SHANK1: variants seen among roughly 807,000 people sequenced by gnomAD.
SHANK1 encodes the protein SH3 and multiple ankyrin repeat domains protein 1.
Under a neutral mutation model 165.6 loss-of-function variants are expected in SHANK1, and 35 were observed. That is an observed-to-expected ratio of 0.21 (90% CI 0.16 to 0.28). The LOEUF is 0.28. Among genes scored for constraint, SHANK1 ranks in the 10% least tolerant of loss-of-function variants. SHANK1 has a pLI of 1.00. For missense variants in SHANK1, 2,681 were observed against 3,036.4 expected, an observed-to-expected ratio of 0.88 and a Z score of 2.75; for synonymous variants, 1,428 against 1,384.8, an observed-to-expected ratio of 1.03 and a Z score of -0.69.
chr19:50,706,072 T>A (rs571477022), intron 8 of SHANK1, among the ~76,000 whole-genome samples: 1 of 148,434 alleles, frequency 6.7e-6, no homozygotes, highest in East Asian at 2.0e-4. Context: ...GGTGAGAGGA[T>A]CACTTGAGCC....
chr19:50,679,317 G>A (rs928760811), intron 21 of SHANK1, among the ~76,000 whole-genome samples: 1 of 151,584 alleles, frequency 6.6e-6, no homozygotes, highest in Non-Finnish European at 1.5e-5. Flanking sequence ...AGTGACAGAC[G>A]CCTCGTCAGA....
Position 50,668,858 on chromosome 19 carries a change from G to T in SHANK1, c.3102C>A (p.Asp1034Glu). The change falls in exon 23 of 24, where the codon GAC becomes GAA. Residue 1034 changes from aspartate to glutamate, a missense_variant. By Grantham distance (45) the Asp-to-Glu change is conservative (BLOSUM62 2). Coordinates refer to ENST00000293441, the MANE Select transcript of SHANK1 (RefSeq NM_016148.5). ...GCCCCAGAGCCAGGCGGGGTGGAGG[G>T]TCGTCGGGAGAGCCGCCTGTCTCCA... is the stretch of plus-strand genomic sequence containing the variant. The part of the protein sequence containing the change: ...PEMETGGSPD[D>E]PPPRLALGPQ... The T allele has an allele frequency of 7.7e-7, 1 of 1,296,664 alleles. No individual in the cohort carries two copies. Among genetic ancestry groups the T allele is most frequent in the Non-Finnish European group, 9.7e-7 (1 of 1,028,486 alleles). 80.3% of individuals were successfully genotyped at this position (1,296,664 alleles called of 1,614,324 possible). A position where few individuals can be genotyped will look rare whatever the true frequency, so the allele number is the denominator to read the frequency against.
At position 50,686,470 on chromosome 19, in the gene SHANK1, G is replaced by A. The variant is rs528617682; in HGVS notation, c.2459-115C>T. ...GTTCATCCAGCACCTGGATCAACCA[G>A]GAAAGGGCAGCCCTGCCTGGGTCCG... On this transcript the variant is annotated intron_variant, in intron 20 of 23. Transcript: ENST00000293441. This position sits in a 1 kb window ranked among gnomAD's most constrained non-coding sequence, Gnocchi z 5.7. The A allele has an allele frequency of 6.1e-6, 5 of 825,644 alleles. No homozygotes were observed. The highest frequency in any genetic ancestry group is 1.7e-5 in the South Asian group (1 of 59,248). 51.1% of individuals were successfully genotyped at this position (825,644 alleles called of 1,614,324 possible). A position where few individuals can be genotyped will look rare whatever the true frequency, so the allele number is the denominator to read the frequency against.
Position 50,697,876 on chromosome 19 carries a change from C to T in SHANK1, c.1828G>A (p.Glu610Lys), listed in dbSNP as rs1221287530. 6.2e-7 allele frequency: 1 copy of T among 1,614,010 alleles called. No homozygotes were observed. The highest frequency in any genetic ancestry group is 1.7e-5 in the Admixed American group (1 of 60,000). ...CTCTCCTGAGAGCGATTCGCCACTT[C>T]TTCCAGGCAGTCAGAGGGGAACCAG... is the stretch of plus-strand genomic sequence containing the variant. ...VGWFPSDCLE[E>K]VANRSQESKQ... is the part of the protein sequence containing the mutation. The change falls in exon 13 of 24, where the codon GAA becomes AAA. Residue 610 changes from glutamate to lysine, a missense_variant. Glu to Lys is a moderately conservative substitution (Grantham distance 56, BLOSUM62 1). Coordinates refer to ENST00000293441, the MANE Select transcript of SHANK1 (RefSeq NM_016148.5). The surrounding 1 kb of genome is among the most constrained non-coding windows in gnomAD (Gnocchi z 4.7).
chr19:50,716,208 G>C lies in SHANK1; in HGVS notation c.459+67C>G. Reference sequence around the variant, plus strand: ...TAAGGTTTCGAGTGTGTTAAAAAGTGGGTGGGGGGCAGATGTGTTTTAGGG... The same window carrying C: ...TAAGGTTTCGAGTGTGTTAAAAAGTCGGTGGGGGGCAGATGTGTTTTAGGG... On this transcript the variant is annotated intron_variant, in intron 3 of 23. Coordinates refer to ENST00000293441, the MANE Select transcript of SHANK1 (RefSeq NM_016148.5). The surrounding 1 kb of genome is among the most constrained non-coding windows in gnomAD (Gnocchi z 8.4). 6.9e-7 allele frequency: 1 copy of C among 1,457,394 alleles called. No individual in the cohort carries two copies. Among genetic ancestry groups the C allele is most frequent in the Non-Finnish European group, 9.6e-7 (1 of 1,043,054 alleles). The allele number at this position is 1,457,394 out of a possible 1,614,324, so 90.3% of individuals were successfully genotyped here. A position where few individuals can be genotyped will look rare whatever the true frequency, so the allele number is the denominator to read the frequency against.
rs1985096458 is a variant in SHANK1, at chr19:50,659,427, C to A, written c.*2538G>T. 3 of 265,048 alleles carry A rather than the reference C, an allele frequency of 1.1e-5. No homozygotes were observed. Among genetic ancestry groups the A allele is most frequent in the East Asian group, 6.4e-5 (1 of 15,528 alleles). 16.4% of individuals were successfully genotyped at this position (265,048 alleles called of 1,614,324 possible). A position where few individuals can be genotyped will look rare whatever the true frequency, so the allele number is the denominator to read the frequency against. ...TCTTCCTCCAGTCCCTGTACGTGGA[C>A]GCCTGGGTCCCAATCCCTTGAGGGA... On this transcript the variant is annotated 3_prime_UTR_variant, in exon 24 of 24. Coordinates refer to ENST00000293441, the MANE Select transcript of SHANK1 (RefSeq NM_016148.5).
In SHANK1 at chr19:50,667,928, G is replaced by A. The variant is rs1459256282; in HGVS notation, c.4032C>T (p.Gly1344=). ...GCGGGGAGGCGGGATCCAGGGCCTT[G>A]CCGGTCAGCGGGTGCACCAGGGGTC... ...PPRPLVHPLT[G]KALDPASPLG... Residue 1344 remains glycine (G), a synonymous_variant, in exon 23 of 24, where the codon GGC becomes GGT. Transcript: ENST00000293441. This position sits in a 1 kb window ranked among gnomAD's most constrained non-coding sequence, Gnocchi z 5.7. 2.9e-6 allele frequency: 4 copies of A among 1,367,516 alleles called. No individual in the cohort carries two copies. The African/African-American group carries it at 6.1e-5, about 21-fold the overall frequency. 84.7% of individuals were successfully genotyped at this position (1,367,516 alleles called of 1,614,324 possible). A position where few individuals can be genotyped will look rare whatever the true frequency, so the allele number is the denominator to read the frequency against.
rs1264924744 is a variant in SHANK1, at chr19:50,666,111, T to C, written c.5768+81A>G. The C allele has an allele frequency of 2.2e-6, 3 of 1,355,788 alleles. No homozygotes were observed. The East Asian group carries it at 7.9e-5, about 36-fold the overall frequency. The allele number at this position is 1,355,788 out of a possible 1,614,324, so 84.0% of individuals were successfully genotyped here. On this transcript the variant is annotated intron_variant, in intron 23 of 23. Transcript: ENST00000293441. ...GCCAACCTGGTTTCTGTTTCCTTTC[T>C]GCCACCCTGAGACCCTAAAGGGACA...
chr19:50,684,283 T>C (rs1183475600), intron 21 of SHANK1, among the ~76,000 whole-genome samples: 1 of 151,708 alleles, frequency 6.6e-6, no homozygotes, highest in Admixed American at 6.6e-5. Flanking sequence ...TGGAGTGCAA[T>C]GGTGCGATCT....
At position 50,702,238 on chromosome 19, in the gene SHANK1, C is replaced by T. The variant is rs1986940528; in HGVS notation, c.1747+229G>A. ...AGTTCCAGCCATGCCCTGCACACGGCATCAGTGTCCCGCAGTGGGACACGG... is the reference window on the plus strand; with the variant it reads ...AGTTCCAGCCATGCCCTGCACACGGTATCAGTGTCCCGCAGTGGGACACGG... On this transcript the variant is annotated intron_variant, in intron 12 of 23. Transcript: ENST00000293441. The surrounding 1 kb of genome is among the most constrained non-coding windows in gnomAD (Gnocchi z 5.3). 6.6e-6 allele frequency among the ~76,000 whole-genome samples: 1 copy of T among 152,172 alleles called. No homozygotes were observed. Among genetic ancestry groups the T allele is most frequent in the Admixed American group, 6.5e-5 (1 of 15,274 alleles).
Position 50,703,671 on chromosome 19 carries a change from GC to G in SHANK1, c.1381del (p.Ala461ProfsTer102). ...CTGGGACCCTGAGGTAGGGCCAGGG[GC>G]CCCAGAGGACGCGGCCCCCGGGGCG... is the stretch of plus-strand genomic sequence containing the variant. ...FSAPGAASSG[A>X]PGPTSGSQGQ... On this transcript the variant is annotated frameshift_variant, in exon 11 of 24. Transcript: ENST00000293441. LOFTEE classifies it high-confidence loss of function. 1.3e-6 allele frequency: 2 copies of G among 1,486,200 alleles called. No homozygotes were observed. The allele number at this position is 1,486,200 out of a possible 1,614,324, so 92.1% of individuals were successfully genotyped here. A position where few individuals can be genotyped will look rare whatever the true frequency, so the allele number is the denominator to read the frequency against.
rs1168647149 is a variant in SHANK1 at position 50,702,536 on chromosome 19, T to G, written c.1678A>C (p.Met560Leu). Reference protein sequence around the residue: ...LYSAVPGRSFMAVKSYQAQAE... With the variant: ...LYSAVPGRSFLAVKSYQAQAE... ...TGGGCCTGGTAGGACTTCACAGCCA[T>G]GAAGGAGCGTCCGGGTACCGCTGAG... The change falls in exon 12 of 24, where the codon ATG (methionine) becomes CTG (leucine). Residue 560 changes from methionine (M) to leucine (L), a missense_variant. Met to Leu is a conservative substitution (Grantham distance 15). This residue lies in a region of SHANK1 where 195 missense variants were observed against 186.2 expected (regional missense o/e 1.05). Transcript: ENST00000293441. This position sits in a 1 kb window ranked among gnomAD's most constrained non-coding sequence, Gnocchi z 5.3. 1 of 1,613,306 alleles carries G rather than the reference T, an allele frequency of 6.2e-7. No individual in the cohort carries two copies. Among genetic ancestry groups the G allele is most frequent in the South Asian group, 1.1e-5 (1 of 91,038 alleles).
Position 50,659,370 on chromosome 19 carries a change from T to G in SHANK1, c.*2595A>C. ...GAAGGGAGGTGATGGGGGGTAGGAA[T>G]GAACCCCCATGTTATAATCCCGCGT... On this transcript the variant is annotated 3_prime_UTR_variant, in exon 24 of 24. Transcript: ENST00000293441. 1 of 369,496 alleles carries G rather than the reference T, an allele frequency of 2.7e-6. No individual in the cohort carries two copies. Among genetic ancestry groups the G allele is most frequent in the Non-Finnish European group, 4.8e-6 (1 of 208,624 alleles). 22.9% of individuals were successfully genotyped at this position (369,496 alleles called of 1,614,324 possible). A position where few individuals can be genotyped will look rare whatever the true frequency, so the allele number is the denominator to read the frequency against.
Position 50,666,853 on chromosome 19 carries a change from C to T in SHANK1, c.5107G>A (p.Glu1703Lys). Residue 1703 changes from glutamate (E) to lysine (K), a missense_variant, in exon 23 of 24, where the codon GAA becomes AAA. By Grantham distance (56) the Glu-to-Lys change is moderately conservative. This residue lies in a region of SHANK1 where 1,713 missense variants were observed against 1,630.2 expected (regional missense o/e 1.05). Transcript: ENST00000293441. ...SASTLSSLSAEGGGSAGGGGG... is the reference protein window; with the variant it reads ...SASTLSSLSAKGGGSAGGGGG... ...CCACCCCCTGCGCTGCCACCACCTT[C>T]GGCAGATAGGCTGCTCAGCGTGGAG... is the stretch of plus-strand genomic sequence containing the variant. 2 of 1,562,012 alleles carry T rather than the reference C, an allele frequency of 1.3e-6. No homozygotes were observed. The highest frequency in any genetic ancestry group is 1.7e-6 in the Non-Finnish European group (2 of 1,154,258).
Position 50,703,704 on chromosome 19 carries a change from A to G in SHANK1, c.1349T>C (p.Val450Ala). 3 of 1,461,538 alleles carry G rather than the reference A, an allele frequency of 2.1e-6. No homozygotes were observed. In the South Asian group the frequency reaches 4.1e-5, roughly 20 times the overall value. The allele number at this position is 1,461,538 out of a possible 1,614,324, so 90.5% of individuals were successfully genotyped here. The change falls in exon 11 of 24, where the codon GTG (valine) becomes GCG (alanine). Residue 450 changes from valine to alanine, a missense_variant. Physicochemically the swap from Val to Ala is moderately conservative, Grantham distance 64. Transcript: ENST00000293441. ...GGACGCGGCCCCCGGGGCGGAGAACACCATCCAGTCGGGCAGCGCCATGCT... is the reference window on the plus strand; with the variant it reads ...GGACGCGGCCCCCGGGGCGGAGAACGCCATCCAGTCGGGCAGCGCCATGCT... ...DTSMALPDWM[V>A]FSAPGAASSG...
rs982147488 is a variant in SHANK1, at chr19:50,666,790, G to A, written c.5170C>T (p.Leu1724Phe). 1.3e-6 allele frequency: 2 copies of A among 1,551,064 alleles called. No homozygotes were observed. The highest frequency in any genetic ancestry group is 2.0e-5 in the Admixed American group (1 of 51,222). Residue 1724 changes from leucine (L) to phenylalanine (F), a missense_variant, in exon 23 of 24, where the codon CTT (leucine) becomes TTT (phenylalanine). By Grantham distance (22) the Leu-to-Phe change is conservative (BLOSUM62 0). Coordinates refer to ENST00000293441, the MANE Select transcript of SHANK1 (RefSeq NM_016148.5). Reference sequence around the variant, plus strand: ...AGGTAGGCCACATAGGTGTCCAGAAGCTCCGGCCCACTGGCCACACCGGCC... The same window carrying A: ...AGGTAGGCCACATAGGTGTCCAGAAACTCCGGCCCACTGGCCACACCGGCC... Reference protein sequence around the residue: ...AGAGVASGPELLDTYVAYLDG... With the variant: ...AGAGVASGPEFLDTYVAYLDG...
At chr19:50,689,078 G>A (rs1219109305) in intron 16 of SHANK1, 110 bp from the exon 17 acceptor site, 2 of 1,098,758 alleles carry the variant, frequency 1.8e-6, no homozygotes, top group African/African-American at 3.1e-5. Context: ...TGAGGGACCA[G>A]CACCCCGGGG....
chr19:50,702,347 A>G lies in SHANK1; in HGVS notation c.1747+120T>C. The G allele has an allele frequency of 2.4e-6, 2 of 822,694 alleles. No homozygotes were observed. Among genetic ancestry groups the G allele is most frequent in the African/African-American group, 1.7e-5 (1 of 57,816 alleles). 51.0% of individuals were successfully genotyped at this position (822,694 alleles called of 1,614,324 possible). The stretch of plus-strand genomic sequence containing the variant: ...TCAAGGGGTGTCCTGGGGCTCTCTG[A>G]GGTCTCCAGAGTGCATGAGATACTC... On this transcript the variant is annotated intron_variant, in intron 12 of 23. Transcript: ENST00000293441. The surrounding 1 kb of genome is among the most constrained non-coding windows in gnomAD (Gnocchi z 5.3).
chr19:50,689,757 G>A lies in SHANK1; in HGVS notation c.1965-478C>T, dbSNP rs12461633. On this transcript the variant is annotated intron_variant, in intron 15 of 23. Transcript: ENST00000293441. Reference sequence around the variant, plus strand: ...GGGGGTAATACACATTTAGTATTTCGCACAGTGCCTGGCACATAGTAGGTG... The same window carrying A: ...GGGGGTAATACACATTTAGTATTTCACACAGTGCCTGGCACATAGTAGGTG... 3.6e-3 allele frequency among the ~76,000 whole-genome samples: 541 copies of A among 152,246 alleles called. 10 individuals are homozygous for A. The highest frequency in any genetic ancestry group is 0.029 in the Admixed American group (443 of 15,292).
Sources: gnomAD v4.1 joint callset for allele counts (sites outside exome capture counted in the v4.1 genomes callset) on GRCh38, gnomAD v4.1.1 for gene constraint, gnomAD v4.1.1 regional missense constraint, Gnocchi (gnomAD v3.1) non-coding constraint, MANE v1.5 for transcripts, NCBI Gene and HGNC (gene_info 2026-07-23, HGNC 2026-07-21) for gene names.